SOX6: variants seen among roughly 807,000 people sequenced by gnomAD.
SOX6 encodes transcription factor SOX-6.
A neutral mutation model predicts 97.8 loss-of-function variants in SOX6; 11 were observed. That is an observed-to-expected ratio of 0.11 (90% CI 0.07 to 0.19). The LOEUF is 0.19. Among genes scored for constraint, SOX6 ranks in the 10% least tolerant of loss-of-function variants. The pLI is 1.00. For synonymous variants in SOX6, 360 were observed against 371.4 expected, an observed-to-expected ratio of 0.97 and a Z score of 0.35; for missense variants, 810 against 1,039.5, an observed-to-expected ratio of 0.78 and a Z score of 3.04.
At chr11:16,200,109 T>C (rs1851894574) in intron 4 of SOX6, among the ~76,000 whole-genome samples, 1 of 152,172 alleles carries the variant, frequency 6.6e-6, no homozygotes, top group Non-Finnish European at 1.5e-5. Flanking sequence ...CCACCAAAGC[T>C]TTTGTAGGAG....
intron 2 of SOX6, among the ~76,000 whole-genome samples, chr11:16,724,046 A>G (rs1453441385): frequency 1.3e-5 from 2 of 152,160 alleles, no homozygotes; most frequent in African/African-American, 2.4e-5. Context: ...TTAAACATAT[A>G]AGTAATTTTT....
At chr11:16,190,906 C>T (rs1489954511) in intron 4 of SOX6, among the ~76,000 whole-genome samples, 1 of 152,154 alleles carries the variant, frequency 6.6e-6, no homozygotes, top group Non-Finnish European at 1.5e-5. Context: ...TTTTAATTAA[C>T]AGCATGTGTT....
chr11:16,448,921 T>TGC (rs1859663357), intron 1 of SOX6, among the ~76,000 whole-genome samples: 1 of 152,152 alleles, frequency 6.6e-6, no homozygotes, highest in African/African-American at 2.4e-5. Flanking sequence ...TATAAAGCTG[T>TGC]ATATTAAGAC....
chr11:16,692,857 A>G (rs945425589), intron 3 of SOX6, among the ~76,000 whole-genome samples: 1 of 152,350 alleles, frequency 6.6e-6, no homozygotes. Flanking sequence ...ACACTATTTT[A>G]TATCTGCATA....
intron 3 of SOX6, among the ~76,000 whole-genome samples, chr11:16,637,714 C>A (rs907069252): frequency 6.6e-6 from 1 of 152,076 alleles, no homozygotes; most frequent in South Asian, 2.1e-4. Context: ...ATTCCAAGGT[C>A]ACGGATATGT....
intron 4 of SOX6, among the ~76,000 whole-genome samples, chr11:16,492,258 G>T (rs1051166589): frequency 1.3e-5 from 2 of 152,178 alleles, no homozygotes; most frequent in Non-Finnish European, 2.9e-5. Context: ...GATGCCATTG[G>T]TGCTGCTACT....
At chr11:16,560,437 A>C in intron 4 of SOX6, among the ~76,000 whole-genome samples, 1 of 131,614 alleles carries the variant, frequency 7.6e-6, no homozygotes, top group South Asian at 2.1e-4. Context: ...GTTTATACGT[A>C]CATATATGTT....
chr11:16,375,730 C>T (rs1276209796), intron 1 of SOX6, among the ~76,000 whole-genome samples: 1 of 152,140 alleles, frequency 6.6e-6, no homozygotes, highest in Non-Finnish European at 1.5e-5. Context: ...AAGACACATA[C>T]ACACGTATGT....
chr11:16,059,931 G>A (rs1401439023), intron 9 of SOX6, among the ~76,000 whole-genome samples: 1 of 151,932 alleles, frequency 6.6e-6, no homozygotes, highest in African/African-American at 2.4e-5. Context: ...GTTACGAGAT[G>A]AAACATGTTG....
At chr11:16,560,066 TG>T (rs781677861) in intron 4 of SOX6, among the ~76,000 whole-genome samples, 7 of 152,110 alleles carry the variant, frequency 4.6e-5, no homozygotes, top group Admixed American at 1.3e-4. Flanking sequence ...TTAAGAGCAA[TG>T]GCTCAAGAAA....
At chr11:16,592,911 T>C (rs182945739) in intron 4 of SOX6, among the ~76,000 whole-genome samples, 6 of 151,918 alleles carry the variant, frequency 3.9e-5, no homozygotes, top group Non-Finnish European at 5.9e-5. Context: ...GATCAGCTCA[T>C]TGAAATAAAA....
intron 4 of SOX6, among the ~76,000 whole-genome samples, chr11:16,197,961 G>T (rs1382384639): frequency 6.6e-6 from 1 of 152,124 alleles, no homozygotes; most frequent in Non-Finnish European, 1.5e-5. Flanking sequence ...TCACAAATAG[G>T]ATGTCCTATT....
At chr11:16,327,661 C>T (rs1311839432) in intron 2 of SOX6, among the ~76,000 whole-genome samples, 1 of 152,046 alleles carries the variant, frequency 6.6e-6, no homozygotes, top group Non-Finnish European at 1.5e-5. Context: ...GGATTGCCGA[C>T]CATACCTAGA....
intron 6 of SOX6, among the ~76,000 whole-genome samples, chr11:16,148,244 T>C (rs989205669): frequency 6.6e-6 from 1 of 152,258 alleles, no homozygotes; most frequent in East Asian, 1.9e-4. Context: ...TTATTCTTCA[T>C]TGTTTGAATA....
chr11:16,634,829 G>T (rs1179216462), intron 3 of SOX6, among the ~76,000 whole-genome samples: 1 of 152,174 alleles, frequency 6.6e-6, no homozygotes, highest in Non-Finnish European at 1.5e-5. Flanking sequence ...GACCCAGTGA[G>T]GGGTAATCGA....
At chr11:16,192,754 A>C (rs1482923250) in intron 4 of SOX6, among the ~76,000 whole-genome samples, 1 of 152,190 alleles carries the variant, frequency 6.6e-6, no homozygotes, top group African/African-American at 2.4e-5. Flanking sequence ...AATTAAAATA[A>C]AAAATTAAGT....
intron 3 of SOX6, among the ~76,000 whole-genome samples, chr11:16,621,233 G>A (rs1390334171): frequency 6.6e-6 from 1 of 152,080 alleles, no homozygotes; most frequent in African/African-American, 2.4e-5. Context: ...TGTGATGTCT[G>A]TATTTATTTT....
intron 6 of SOX6, among the ~76,000 whole-genome samples, chr11:16,114,459 A>G (rs558910172): frequency 6.6e-6 from 1 of 152,352 alleles, no homozygotes; most frequent in East Asian, 1.9e-4. Flanking sequence ...TACCTGACAT[A>G]AAAGTAATGC....
At chr11:16,360,449 CATTT>C (rs1857182767), upstream of SOX6, among the ~76,000 whole-genome samples, 2 of 152,162 alleles carry the variant, frequency 1.3e-5, no homozygotes, top group South Asian at 4.1e-4. Flanking sequence ...GTGTAACATT[CATTT>C]AATTGGATCA....
Sources: allele counts gnomAD v4.1 joint callset (sites outside exome capture counted in the v4.1 genomes callset), GRCh38; gene constraint gnomAD v4.1.1; transcripts MANE v1.5; gene names NCBI Gene and HGNC (gene_info 2026-07-23, HGNC 2026-07-21).